FRMD6: variants seen among roughly 807,000 people sequenced by gnomAD.
FRMD6 encodes FERM domain-containing protein 6.
FRMD6 carries 37 observed loss-of-function variants against 73.2 expected under a neutral mutation model. That is an observed-to-expected ratio of 0.51 (90% CI 0.39 to 0.66). The LOEUF (loss-of-function observed/expected upper bound fraction) is 0.66. Ranked by LOEUF, FRMD6 falls within the 30% of genes least tolerant of loss-of-function variation. FRMD6 has a pLI of 0.00. For missense variants in FRMD6, 714 were observed against 780.5 expected (o/e 0.91, Z 1.02); for synonymous variants, 273 against 282.2 (o/e 0.97, Z 0.33).
chr14:51,627,947 A>G (rs1891178180), intron 2 of FRMD6, among the ~76,000 whole-genome samples: 1 of 152,222 alleles, frequency 6.6e-6, no homozygotes, highest in Non-Finnish European at 1.5e-5. Flanking sequence ...TGTAACCTAC[A>G]CACATCTTCC....
intron 1 of FRMD6, among the ~76,000 whole-genome samples, chr14:51,655,640 A>G (rs902394313): frequency 3.3e-5 from 5 of 152,222 alleles, no homozygotes; most frequent in African/African-American, 9.6e-5. Context: ...TTGCAAGGAA[A>G]AAGTTAGAAG....
At chr14:51,666,039 G>A (rs1893562083) in intron 1 of FRMD6, among the ~76,000 whole-genome samples, 1 of 152,226 alleles carries the variant, frequency 6.6e-6, no homozygotes, top group Admixed American at 6.5e-5. Flanking sequence ...GTTAGATTTA[G>A]CTTCCAGTGG....
chr14:51,635,471 A>C (rs1891516817), intron 2 of FRMD6, among the ~76,000 whole-genome samples: 1 of 152,234 alleles, frequency 6.6e-6, no homozygotes, highest in African/African-American at 2.4e-5. Flanking sequence ...ACAGGAGCCC[A>C]AGTACTGGCA....
chr14:51,505,286 G>A (rs1038346867), intron 1 of FRMD6, among the ~76,000 whole-genome samples: 14 of 151,962 alleles, frequency 9.2e-5, no homozygotes, highest in African/African-American at 3.4e-4. Flanking sequence ...GCCTAGGTTG[G>A]TCTCAAACTC....
the FRMD6 span, among the ~76,000 whole-genome samples, chr14:51,483,433 G>A: frequency 6.6e-6 from 1 of 152,244 alleles, no homozygotes; most frequent in Non-Finnish European, 1.5e-5. Flanking sequence ...TGGGGCATTT[G>A]AAGGGAGTCT....
chr14:51,404,446 AG>A, the FRMD6 span, among the ~76,000 whole-genome samples: 2 of 152,064 alleles, frequency 1.3e-5, no homozygotes, highest in African/African-American at 4.8e-5. Context: ...TGAGCTTTTA[AG>A]TCTTATTTTA....
chr14:51,467,059 A>C, the FRMD6 span, among the ~76,000 whole-genome samples: 1 of 152,136 alleles, frequency 6.6e-6, no homozygotes, highest in South Asian at 2.1e-4. Context: ...AGGGAAGGTC[A>C]GCAGATAAAC....
Position 51,729,699 on chromosome 14 carries a change from AC to A in FRMD6, c.*1674del, listed in dbSNP as rs1225841651. ...GGTACAGTGGAACATAAGCAGTGTTACCCCTGGCTGGGAGTCAGTATTATAC... is the reference window on the plus strand; with the variant it reads ...GGTACAGTGGAACATAAGCAGTGTTACCCTGGCTGGGAGTCAGTATTATAC... On this transcript the variant is annotated 3_prime_UTR_variant, in exon 14 of 14. Transcript: ENST00000344768. 6.6e-6 allele frequency: 1 copy of A among 152,618 alleles called. No individual in the cohort carries two copies. The highest frequency in any genetic ancestry group is 1.5e-5 in the Non-Finnish European group (1 of 68,022). The allele number at this position is 152,618 out of a possible 1,614,324, so 9.5% of individuals were successfully genotyped here.
chr14:51,695,979 A>G lies in FRMD6; in HGVS notation c.100-2163A>G, dbSNP rs906213018. Among the ~76,000 whole-genome samples, 4 of 152,262 alleles carry G rather than the reference A, an allele frequency of 2.6e-5. No homozygotes were observed. In the South Asian group the frequency reaches 8.3e-4, roughly 32 times the overall value. On this transcript the variant is annotated intron_variant, in intron 2 of 13. Transcript: ENST00000344768. ...TAAGATATGATAAAGTCATTAATTC[A>G]GAGTTAATTTTTAGAATTTATAATA...
At chr14:51,727,688 AG>A (rs1898053165) in intron 13 of FRMD6, 56 bp from the exon 14 acceptor site, 1 of 1,495,412 alleles carries the variant, frequency 6.7e-7, no homozygotes, top group African/African-American at 1.4e-5. Flanking sequence ...TCTCTTTACA[AG>A]GCAAATATTC....
At chr14:51,726,680 TAGTC>T (rs1897974601) in intron 13 of FRMD6, among the ~76,000 whole-genome samples, 1 of 152,220 alleles carries the variant, frequency 6.6e-6, no homozygotes, top group Admixed American at 6.5e-5. Flanking sequence ...GCACAGCTGA[TAGTC>T]AGATTCCACA....
At chr14:51,591,755 C>A (rs545480949) in intron 2 of FRMD6, among the ~76,000 whole-genome samples, 6 of 152,220 alleles carry the variant, frequency 3.9e-5, no homozygotes, top group African/African-American at 1.2e-4. Flanking sequence ...GTTGGCAAGG[C>A]TGGTCTCAAA....
At chr14:51,552,990 T>G (rs1392081323) in intron 1 of FRMD6, among the ~76,000 whole-genome samples, 2 of 152,148 alleles carry the variant, frequency 1.3e-5, no homozygotes, top group Non-Finnish European at 2.9e-5. Flanking sequence ...TTCCAGTAGG[T>G]AATGTCAGTT....
chr14:51,710,859 C>T (rs1896903721), intron 7 of FRMD6, among the ~76,000 whole-genome samples: 1 of 151,020 alleles, frequency 6.6e-6, no homozygotes. Context: ...GTTTTTTTTT[C>T]CCCTTATGCT....
chr14:51,687,059 G>T (rs947014463), intron 1 of FRMD6, among the ~76,000 whole-genome samples: 10 of 152,068 alleles, frequency 6.6e-5, no homozygotes, highest in Admixed American at 4.6e-4. Flanking sequence ...TATTACATTT[G>T]CTTCAATAAT....
At chr14:51,525,990 G>A (rs1013081368) in intron 1 of FRMD6, among the ~76,000 whole-genome samples, 8 of 152,154 alleles carry the variant, frequency 5.3e-5, no homozygotes, top group East Asian at 1.9e-4. Flanking sequence ...GGAGGCATCC[G>A]GAAGGAGGCT....
the FRMD6 span, among the ~76,000 whole-genome samples, chr14:51,427,833 A>G: frequency 0.1 from 15,211 of 152,278 alleles, 868 homozygotes; most frequent in African/African-American, 0.15. Context: ...TATCTACACC[A>G]CAGAAATTGG....
At chr14:51,615,323 T>A (rs933944506) in intron 2 of FRMD6, among the ~76,000 whole-genome samples, 5 of 152,352 alleles carry the variant, frequency 3.3e-5, no homozygotes, top group African/African-American at 1.2e-4. Context: ...CTTCTATTAC[T>A]AATCATTATT....
Position 51,547,202 on chromosome 14 carries a change from T to C in FRMD6, c.-209-23146T>C, listed in dbSNP as rs1886521157. Among the ~76,000 whole-genome samples the C allele has an allele frequency of 2.6e-5, 4 of 152,288 alleles. No homozygotes were observed. The South Asian group carries it at 6.2e-4, about 24-fold the overall frequency. ...AAAGTAAGTTCTAACTCTAATGTTA[T>C]GGAGAAGTTTAAATATTTATACCAG... On this transcript the variant is annotated intron_variant, in intron 1 of 14. Transcript: ENST00000356218.
Sources: allele counts gnomAD v4.1 joint callset (sites outside exome capture counted in the v4.1 genomes callset), GRCh38; gene constraint gnomAD v4.1.1; transcripts MANE v1.5; gene names NCBI Gene and HGNC (gene_info 2026-07-23, HGNC 2026-07-21).